The following CPNE2 variants were observed in gnomAD, a reference collection of about 807,000 sequenced individuals.
The protein encoded by CPNE2 is copine 2, also known as copine-2.
A neutral mutation model predicts 69.7 loss-of-function variants in CPNE2; 42 were observed. The observed-to-expected ratio is 0.60, with a 90% CI of 0.47 to 0.78. The LOEUF is 0.78. Ranked by LOEUF, CPNE2 falls within the 30% of genes least tolerant of loss-of-function variation. The pLI, the probability that CPNE2 is intolerant of heterozygous loss-of-function variation, is 0.00. For missense variants in CPNE2, 587 were observed against 732.0 expected, an observed-to-expected ratio of 0.80 and a Z score of 2.29; for synonymous variants, 294 against 289.8, an observed-to-expected ratio of 1.01 and a Z score of -0.15.
chr16:57,115,627 T>G (rs1426091395), intron 4 of CPNE2, 77 bp downstream of exon 4: 3 of 874,148 alleles, frequency 3.4e-6, no homozygotes, highest in Non-Finnish European at 1.6e-6. Flanking sequence ...GCCGCTTCCC[T>G]GGCAGATAAT....
At chr16:57,127,736 T>A in intron 11 of CPNE2, 113 bp from the exon 12 acceptor site, 1 of 1,032,848 alleles carries the variant, frequency 9.7e-7, no homozygotes, top group South Asian at 1.3e-5. Context: ...GGTGGTGAGC[T>A]CCTCCTTTCT....
At position 57,101,394 on chromosome 16, in the gene CPNE2, A is replaced by G. The variant is rs56335889; in HGVS notation, c.-36+8604A>G. 8.8e-3 allele frequency among the ~76,000 whole-genome samples: 1,331 copies of G among 152,010 alleles called. 18 individuals are homozygous for G. The highest frequency in any genetic ancestry group is 0.031 in the African/African-American group (1,279 of 41,440). On this transcript the variant is annotated intron_variant, in intron 1 of 15. Transcript: ENST00000290776. ...CTGGATGCATTCAAGATACGTTCCA[A>G]CCCCCCAAAAGTTCAGTAAACTTAG...
At chr16:57,121,217 C>A (rs1268998042) in intron 8 of CPNE2, 26 bp downstream of exon 8, 2 of 1,597,516 alleles carry the variant, frequency 1.3e-6, no homozygotes, top group African/African-American at 1.3e-5. Context: ...GTACTGTAAC[C>A]CCAAGACCTC....
intron 12 of CPNE2, among the ~76,000 whole-genome samples, chr16:57,129,974 G>T (rs1041729221): frequency 2.6e-5 from 4 of 152,206 alleles, no homozygotes; most frequent in African/African-American, 9.7e-5. Flanking sequence ...ATGAGGCGGG[G>T]TGCAGTGGCT....
At chr16:57,107,941 G>A (rs1281383243) in intron 1 of CPNE2, among the ~76,000 whole-genome samples, 2 of 147,120 alleles carry the variant, frequency 1.4e-5, no homozygotes, top group African/African-American at 5.1e-5. Flanking sequence ...CGCGATCTCA[G>A]CTCACAGCAA....
chr16:57,097,784 C>T (rs1338290908), intron 1 of CPNE2, among the ~76,000 whole-genome samples: 1 of 152,222 alleles, frequency 6.6e-6, no homozygotes, highest in Non-Finnish European at 1.5e-5. Flanking sequence ...CAACTTTCCC[C>T]ATTCCCTCCT....
At chr16:57,127,824 G>T in intron 11 of CPNE2, 25 bp from the exon 12 acceptor site, 1 of 1,611,930 alleles carries the variant, frequency 6.2e-7, no homozygotes, top group Non-Finnish European at 8.5e-7. Flanking sequence ...GTCTTACAGT[G>T]TGTTTCTCTT....
At chr16:57,095,855 C>T (rs1014204254) in intron 1 of CPNE2, among the ~76,000 whole-genome samples, 3 of 152,236 alleles carry the variant, frequency 2.0e-5, no homozygotes, top group Non-Finnish European at 4.4e-5. Flanking sequence ...CTCCTCACTG[C>T]TGCATCTCCT....
rs1421354152 is a variant in CPNE2, at chr16:57,117,539, G to C, written c.479G>C (p.Ser160Thr). The C allele has an allele frequency of 1.2e-6, 2 of 1,613,974 alleles. No individual in the cohort carries two copies. The highest frequency in any genetic ancestry group is 1.7e-6 in the Non-Finnish European group (2 of 1,179,942). The change falls in exon 5 of 16, where the codon AGC becomes ACC. Residue 160 changes from serine to threonine, a missense_variant. Coordinates refer to ENST00000290776, the MANE Select transcript of CPNE2 (RefSeq NM_152727.6). Reference sequence around the variant, plus strand: ...TCCGACAACCGCGTCATCACACTAAGCCTGGCGGGCAGGAGGCTGGACAAG... The same window carrying C: ...TCCGACAACCGCGTCATCACACTAACCCTGGCGGGCAGGAGGCTGGACAAG... ...ELSDNRVITL[S>T]LAGRRLDKKD...
At chr16:57,118,461 C>T (rs1409365433) in intron 5 of CPNE2, among the ~76,000 whole-genome samples, 1 of 152,006 alleles carries the variant, frequency 6.6e-6, no homozygotes, top group African/African-American at 2.4e-5. Flanking sequence ...GCTTGAGCCA[C>T]CATGCCTGGC....
chr16:57,135,734 C>T (rs899818763), intron 13 of CPNE2, among the ~76,000 whole-genome samples: 18 of 151,582 alleles, frequency 1.2e-4, no homozygotes, highest in Non-Finnish European at 2.5e-4. Flanking sequence ...ATTAGCCAGG[C>T]GTGGTGGTGC....
chr16:57,127,999 C>T, intron 12 of CPNE2, 96 bp downstream of exon 12: 2 of 1,239,892 alleles, frequency 1.6e-6, no homozygotes, highest in Non-Finnish European at 1.2e-6. Context: ...GGGCTGGGGC[C>T]CTGTTGCCCT....
chr16:57,145,587 G>C (rs544171064), intron 14 of CPNE2: 1 of 184,588 alleles, frequency 5.4e-6, no homozygotes, highest in African/African-American at 2.4e-5. Context: ...CAGAGAGGGG[G>C]AGACCGGTCC....
At chr16:57,100,916 C>T (rs1392948192) in intron 1 of CPNE2, among the ~76,000 whole-genome samples, 1 of 151,814 alleles carries the variant, frequency 6.6e-6, no homozygotes, top group Non-Finnish European at 1.5e-5. Flanking sequence ...CTCCTAGGAA[C>T]TAAAGATTGC....
intron 12 of CPNE2, among the ~76,000 whole-genome samples, chr16:57,128,116 C>T (rs2069813321): frequency 6.6e-6 from 1 of 152,022 alleles, no homozygotes; most frequent in Admixed American, 6.6e-5. Context: ...TTTATGAGAC[C>T]CATGTGGAGT....
chr16:57,141,472 T>C (rs2069922298), intron 14 of CPNE2: 1 of 152,258 alleles, frequency 6.6e-6, no homozygotes, highest in African/African-American at 2.4e-5. Context: ...TGAGCATCTC[T>C]AACCTGCAGG....
At chr16:57,129,546 A>G (rs1334467222) in intron 12 of CPNE2, among the ~76,000 whole-genome samples, 10 of 152,332 alleles carry the variant, frequency 6.6e-5, no homozygotes, top group African/African-American at 2.4e-4. Flanking sequence ...GGCTGGGCAC[A>G]GTGGCTCACG....
At position 57,113,510 on chromosome 16, in the gene CPNE2, G is replaced by A. The variant is rs573672793; in HGVS notation, c.360+43G>A. ...GGGTGGGAGCAGGGGCCCAAAGACCGGGCAACCCCTCAAAAAGTCTCTTCT... is the reference window on the plus strand; with the variant it reads ...GGGTGGGAGCAGGGGCCCAAAGACCAGGCAACCCCTCAAAAAGTCTCTTCT... On this transcript the variant is annotated intron_variant, in intron 3 of 15. Transcript: ENST00000290776. 35 of 1,582,504 alleles carry A rather than the reference G, an allele frequency of 2.2e-5. No individual in the cohort carries two copies. The Admixed American group carries it at 2.3e-4, about 11-fold the overall frequency.
chr16:57,144,337 C>T (rs551211162), intron 14 of CPNE2: 7 of 152,492 alleles, frequency 4.6e-5, no homozygotes, highest in Non-Finnish European at 8.8e-5. Context: ...CTCCTTCCCT[C>T]CACTGTTGTA....
Sources: gnomAD v4.1 joint callset for allele counts (sites outside exome capture counted in the v4.1 genomes callset) on GRCh38, gnomAD v4.1.1 for gene constraint, MANE v1.5 for transcripts, NCBI Gene and HGNC (gene_info 2026-07-23, HGNC 2026-07-21) for gene names.